LOC400499: variants seen among roughly 807,000 people sequenced by gnomAD.
At chr16:11,446,571 C>T in the LOC400499 span, 1 of 1,536,094 alleles carries the variant, frequency 6.5e-7, no homozygotes, top group Non-Finnish European at 8.7e-7. Context: ...TCCAAGTAAC[C>T]AGGCACCCCT....
At chr16:11,425,988 A>G in the LOC400499 span, among the ~76,000 whole-genome samples, 1 of 152,234 alleles carries the variant, frequency 6.6e-6, no homozygotes, top group Non-Finnish European at 1.5e-5. Context: ...ATATAGAAGG[A>G]AAGAAAAAAA....
the LOC400499 span, among the ~76,000 whole-genome samples, chr16:11,485,900 G>A: frequency 2.2e-4 from 34 of 152,126 alleles, no homozygotes; most frequent in African/African-American, 8.2e-4. Context: ...TAGGTAGACA[G>A]AGATGGATGG....
the LOC400499 span, among the ~76,000 whole-genome samples, chr16:11,425,586 A>G: frequency 6.6e-6 from 1 of 152,196 alleles, no homozygotes; most frequent in Non-Finnish European, 1.5e-5. Flanking sequence ...TGTGAAATCC[A>G]TCAGAGTACA....
chr16:11,451,047 T>G, the LOC400499 span, among the ~76,000 whole-genome samples: 4 of 152,262 alleles, frequency 2.6e-5, no homozygotes, highest in African/African-American at 9.6e-5. Context: ...AATCGCACCA[T>G]GGAGATTTAT....
At chr16:11,475,867 TC>T in the LOC400499 span, among the ~76,000 whole-genome samples, 1 of 152,102 alleles carries the variant, frequency 6.6e-6, no homozygotes, top group Non-Finnish European at 1.5e-5. Flanking sequence ...GTGGTGACAC[TC>T]CGTGGGCACA....
chr16:11,466,393 ATT>A, the LOC400499 span, among the ~76,000 whole-genome samples: 143 of 149,088 alleles, frequency 9.6e-4, no homozygotes, highest in Admixed American at 2.5e-3. Flanking sequence ...ATTCATTTAG[ATT>A]TTTTTTTTTT....
the LOC400499 span, among the ~76,000 whole-genome samples, chr16:11,428,966 A>C: frequency 6.6e-6 from 1 of 152,082 alleles, no homozygotes; most frequent in East Asian, 1.9e-4. Flanking sequence ...TCTCGTAGGG[A>C]CTCCCACGGG....
At chr16:11,525,560 G>T in the LOC400499 span, among the ~76,000 whole-genome samples, 1 of 151,940 alleles carries the variant, frequency 6.6e-6, no homozygotes, top group African/African-American at 2.4e-5. Context: ...TTGATCACTC[G>T]GACACTGGGC....
chr16:11,461,080 G>A, the LOC400499 span: 3 of 1,535,964 alleles, frequency 2.0e-6, no homozygotes, highest in Non-Finnish European at 2.6e-6. Context: ...ACCCAGGGCG[G>A]CCACCCTCCG....
the LOC400499 span, chr16:11,514,467 C>G: frequency 5.0e-6 from 2 of 399,310 alleles, no homozygotes; most frequent in Non-Finnish European, 8.8e-6. Context: ...GAGTCCAGCT[C>G]TGTGCAGGAG....
chr16:11,482,010 T>C, the LOC400499 span, among the ~76,000 whole-genome samples: 1 of 152,216 alleles, frequency 6.6e-6, no homozygotes, highest in Non-Finnish European at 1.5e-5. Context: ...CGGTGAATGA[T>C]TCCATTTATA....
chr16:11,499,485 G>A, the LOC400499 span, among the ~76,000 whole-genome samples: 3 of 152,042 alleles, frequency 2.0e-5, no homozygotes, highest in African/African-American at 7.2e-5. Context: ...TGCCTCTTGG[G>A]ACCCAATCTG....
At chr16:11,414,305 G>C in the LOC400499 span, 4 of 399,176 alleles carry the variant, frequency 1.0e-5, no homozygotes, top group Admixed American at 4.4e-5. Flanking sequence ...AGAGAGAACA[G>C]AATGTGGAGG....
the LOC400499 span, chr16:11,384,986 T>A: frequency 8.1e-7 from 1 of 1,232,164 alleles, no homozygotes; most frequent in African/African-American, 1.5e-5. Context: ...CCTGGAGACG[T>A]CCTTCCTTGT....
At chr16:11,516,595 T>C in the LOC400499 span, among the ~76,000 whole-genome samples, 1 of 152,212 alleles carries the variant, frequency 6.6e-6, no homozygotes, top group East Asian at 1.9e-4. Context: ...GCTGCCTGCA[T>C]TCCAAAACGC....
chr16:11,477,333 G>A, the LOC400499 span, among the ~76,000 whole-genome samples: 1 of 152,234 alleles, frequency 6.6e-6, no homozygotes, highest in Non-Finnish European at 1.5e-5. Context: ...AGGGGCTGGG[G>A]ACAGATGCTC....
the LOC400499 span, chr16:11,477,076 C>T: frequency 5.0e-6 from 2 of 399,428 alleles, no homozygotes; most frequent in East Asian, 7.1e-5. Context: ...CTGCCACCCA[C>T]AGGCTGTACA....
the LOC400499 span, among the ~76,000 whole-genome samples, chr16:11,376,691 A>G: frequency 6.6e-6 from 1 of 152,184 alleles, no homozygotes; most frequent in Non-Finnish European, 1.5e-5. Flanking sequence ...GAAATTGTGT[A>G]TCAACTTTAG....
At chr16:11,406,869 G>C in the LOC400499 span, among the ~76,000 whole-genome samples, 1 of 152,158 alleles carries the variant, frequency 6.6e-6, no homozygotes, top group Non-Finnish European at 1.5e-5. Flanking sequence ...CGTTTTCTCC[G>C]TATCATAGTA....
Sources: allele counts gnomAD v4.1 joint callset (sites outside exome capture counted in the v4.1 genomes callset), GRCh38; gene constraint gnomAD v4.1.1; transcripts MANE v1.5.